DENND4B: variants seen among roughly 807,000 people sequenced by gnomAD.
DENND4B encodes DENN domain-containing protein 4B.
DENND4B carries 67 observed loss-of-function variants against 161.0 expected under a neutral mutation model. That is an observed-to-expected ratio of 0.42 (90% CI 0.34 to 0.51). The LOEUF is 0.51. Ranked by LOEUF, DENND4B falls within the 20% of genes least tolerant of loss-of-function variation. The pLI is 0.08. For synonymous variants in DENND4B, 753 were observed against 813.8 expected, an observed-to-expected ratio of 0.93 and a Z score of 1.27; for missense variants, 1,481 against 1,968.0, an observed-to-expected ratio of 0.75 and a Z score of 4.68.
At position 153,933,366 on chromosome 1, in the gene DENND4B, AC is replaced by A; in HGVS notation, c.3331-48del. 1 of 1,612,488 alleles carries A rather than the reference AC, an allele frequency of 6.2e-7. No homozygotes were observed. The highest frequency in any genetic ancestry group is 8.5e-7 in the Non-Finnish European group (1 of 1,179,416). On this transcript the variant is annotated intron_variant, in intron 20 of 27. Coordinates refer to ENST00000361217, the MANE Select transcript of DENND4B (RefSeq NM_014856.3). The surrounding 1 kb of genome is among the most constrained non-coding windows in gnomAD (Gnocchi z 5.7). The stretch of plus-strand genomic sequence containing the variant: ...TGGTCAGCCAACCCCATGCTCTTCC[AC>A]CCAGGATATGTGTTTCAAGCACCCC...
Position 153,946,007 on chromosome 1 carries a change from C to T in DENND4B, c.-24+294G>A, listed in dbSNP as rs1254968042. Among the ~76,000 whole-genome samples, 1 of 152,190 alleles carries T rather than the reference C, an allele frequency of 6.6e-6. No individual in the cohort carries two copies. The highest frequency in any genetic ancestry group is 1.5e-5 in the Non-Finnish European group (1 of 68,012). ...CAGGAGGGCAGAGAAGCAGGCGCGC[C>T]GGCGGCCGAGGACGTGACGGCAGCA... On this transcript the variant is annotated intron_variant, in intron 1 of 27. Transcript: ENST00000361217. The surrounding 1 kb of genome is among the most constrained non-coding windows in gnomAD (Gnocchi z 6.3).
In DENND4B at chr1:153,936,208, G is replaced by T; in HGVS notation, c.2440-20C>A. On this transcript the variant is annotated intron_variant, in intron 16 of 27. Coordinates refer to ENST00000361217, the MANE Select transcript of DENND4B (RefSeq NM_014856.3). This position sits in a 1 kb window ranked among gnomAD's most constrained non-coding sequence, Gnocchi z 4.1. ...ACACACCTGGGCCAGGAGAGGCACA[G>T]GACAATGGGAGACTCACTCTCAACC... is the stretch of plus-strand genomic sequence containing the variant. 1 of 1,593,774 alleles carries T rather than the reference G, an allele frequency of 6.3e-7. No individual in the cohort carries two copies. Among genetic ancestry groups the T allele is most frequent in the East Asian group, 2.3e-5 (1 of 43,816 alleles).
intron 17 of DENND4B, chr1:153,935,325 A>G (rs1380515624): frequency 3.8e-6 from 1 of 259,956 alleles, no homozygotes; most frequent in Non-Finnish European, 7.4e-6. Context: ...TTCGGGAGAT[A>G]TGGATATGCC....
chr1:153,936,688 G>A lies in DENND4B; in HGVS notation c.2293C>T (p.Arg765Trp), dbSNP rs755939763. ...KSAAVPELWA[R>W]CLLGHCYGLW... ...CCATAGCAGTGCCCCAGCAGGCACC[G>A]GGCCCACAGCTCAGGCACAGCTGCT... The change falls in exon 16 of 28, where the codon CGG becomes TGG. Residue 765 changes from arginine (R) to tryptophan (W), a missense_variant. Physicochemically the swap from Arg to Trp is moderately radical, Grantham distance 101. Transcript: ENST00000361217. The surrounding 1 kb of genome is among the most constrained non-coding windows in gnomAD (Gnocchi z 4.1). 9 of 1,612,198 alleles carry A rather than the reference G, an allele frequency of 5.6e-6. No individual in the cohort carries two copies. The highest frequency in any genetic ancestry group is 1.6e-4 in the Middle Eastern group (1 of 6,078).
Position 153,933,423 on chromosome 1 carries a change from T to C in DENND4B, c.3330+60A>G. The C allele has an allele frequency of 6.3e-7, 1 of 1,599,360 alleles. No individual in the cohort carries two copies. The highest frequency in any genetic ancestry group is 8.5e-7 in the Non-Finnish European group (1 of 1,172,970). Reference sequence around the variant, plus strand: ...GCCCCCTTTTTGAGCATTCTTCCAGTCGTAGCCCCTCCCCAAGCCCACTAA... The same window carrying C: ...GCCCCCTTTTTGAGCATTCTTCCAGCCGTAGCCCCTCCCCAAGCCCACTAA... On this transcript the variant is annotated intron_variant, in intron 20 of 27. Coordinates refer to ENST00000361217, the MANE Select transcript of DENND4B (RefSeq NM_014856.3). This position sits in a 1 kb window ranked among gnomAD's most constrained non-coding sequence, Gnocchi z 5.7.
chr1:153,937,869 G>A lies in DENND4B; in HGVS notation c.1966-6C>T. ...TTCTCCTGCTCTGGGTGGACCTGGA[G>A]AAGGATTTTAAGAGAGCAAGTGTTG... On this transcript the variant is annotated splice_region_variant and splice_polypyrimidine_tract_variant and intron_variant, in intron 13 of 27. Coordinates refer to ENST00000361217, the MANE Select transcript of DENND4B (RefSeq NM_014856.3). This position sits in a 1 kb window ranked among gnomAD's most constrained non-coding sequence, Gnocchi z 4.7. The A allele has an allele frequency of 6.2e-7, 1 of 1,614,046 alleles. No homozygotes were observed. Among genetic ancestry groups the A allele is most frequent in the Non-Finnish European group, 8.5e-7 (1 of 1,179,908 alleles).
intron 24 of DENND4B, among the ~76,000 whole-genome samples, chr1:153,931,662 A>C (rs780332264): frequency 7.0e-6 from 1 of 142,520 alleles, no homozygotes; most frequent in Non-Finnish European, 1.5e-5. Context: ...CATGCCCGGC[A>C]AATTTTTTGT....
At chr1:153,943,844 C>T (rs1679812163) in intron 2 of DENND4B, among the ~76,000 whole-genome samples, 1 of 152,146 alleles carries the variant, frequency 6.6e-6, no homozygotes, top group South Asian at 2.1e-4. Context: ...CAAAAACCTG[C>T]CTAAGCTCTC....
chr1:153,942,259 G>A lies in DENND4B; in HGVS notation c.738C>T (p.Cys246=). Residue 246 remains cysteine (C), a synonymous_variant, in exon 5 of 28, where the codon TGC becomes TGT. Transcript: ENST00000361217. This position sits in a 1 kb window ranked among gnomAD's most constrained non-coding sequence, Gnocchi z 6.9. ...FCLPMGATIE[C]WPAQTKYPVP... ...CGGGGTACTTGGTCTGGGCAGGCCA[G>A]CACTCGATAGTGGCCCCCATGGGCA... 1 of 1,613,934 alleles carries A rather than the reference G, an allele frequency of 6.2e-7. No homozygotes were observed.
Position 153,939,702 on chromosome 1 carries a change from G to C in DENND4B, c.1706C>G (p.Ala569Gly), listed in dbSNP as rs998006105. 2.5e-6 allele frequency: 4 copies of C among 1,613,972 alleles called. No homozygotes were observed. Among genetic ancestry groups the C allele is most frequent in the Non-Finnish European group, 2.5e-6 (3 of 1,179,892 alleles). ...RARLEREVQG[A>G]FLRFMACLLK... is the part of the protein sequence containing the mutation. ...CAGACAGGCCATGAAGCGGAGGAAG[G>C]CTCCTTGGACTTCGCGCTCCAGCCG... is the stretch of plus-strand genomic sequence containing the variant. The change falls in exon 12 of 28, where the codon GCC (alanine) becomes GGC (glycine). Residue 569 changes from alanine to glycine, a missense_variant. Coordinates refer to ENST00000361217, the MANE Select transcript of DENND4B (RefSeq NM_014856.3).
At position 153,942,849 on chromosome 1, in the gene DENND4B, A is replaced by C; in HGVS notation, c.570+29T>G. 1.3e-6 allele frequency: 2 copies of C among 1,573,796 alleles called. No individual in the cohort carries two copies. Among genetic ancestry groups the C allele is most frequent in the Non-Finnish European group, 8.7e-7 (1 of 1,155,714 alleles). On this transcript the variant is annotated intron_variant, in intron 3 of 27. Coordinates refer to ENST00000361217, the MANE Select transcript of DENND4B (RefSeq NM_014856.3). The surrounding 1 kb of genome is among the most constrained non-coding windows in gnomAD (Gnocchi z 6.9). ...CCACACCCACTCTTACACCAAGAGG[A>C]CCAGGTGTCAGCTCTTGGCCCCACT...
rs574910044 is a variant in DENND4B, at chr1:153,944,335, C to G, written c.40G>C (p.Val14Leu). 2.5e-6 allele frequency: 4 copies of G among 1,608,866 alleles called. No homozygotes were observed. Among genetic ancestry groups the G allele is most frequent in the Non-Finnish European group, 3.4e-6 (4 of 1,177,776 alleles). ...CCGTTCCCTGCAAGCCCAGCTACCA[C>G]GAAGTAATCCACCAGCCGGGGGGGC... is the stretch of plus-strand genomic sequence containing the variant. ...ERPPRLVDYF[V>L]VAGLAGNGAP... The change falls in exon 2 of 28, where the codon GTG becomes CTG. Residue 14 changes from valine to leucine, a missense_variant. By Grantham distance (32) the Val-to-Leu change is conservative. Coordinates refer to ENST00000361217, the MANE Select transcript of DENND4B (RefSeq NM_014856.3). This position sits in a 1 kb window ranked among gnomAD's most constrained non-coding sequence, Gnocchi z 4.8.
chr1:153,939,496 T>G, intron 12 of DENND4B, 93 bp downstream of exon 12: 1 of 1,348,702 alleles, frequency 7.4e-7, no homozygotes, highest in Non-Finnish European at 1.0e-6. Flanking sequence ...AACAATGGAG[T>G]GGCTCCCAGT....
At chr1:153,939,543 A>G (rs1421816543) in intron 12 of DENND4B, 46 bp downstream of exon 12, 1 of 1,551,502 alleles carries the variant, frequency 6.4e-7, no homozygotes, top group South Asian at 1.2e-5. Context: ...GCCCCTCGCC[A>G]CCTCCTCCCA....
chr1:153,945,566 ACACACACACGCACACACACACG>A (rs1679912793), intron 1 of DENND4B, among the ~76,000 whole-genome samples: 1 of 151,806 alleles, frequency 6.6e-6, no homozygotes, highest in Non-Finnish European at 1.5e-5. Context: ...ACACACACAC[ACACACACACGCACACACACACG>A]CACACACGTA....
intron 12 of DENND4B, 141 bp from the exon 13 acceptor site, chr1:153,939,186 C>T: frequency 9.5e-7 from 1 of 1,057,386 alleles, no homozygotes; most frequent in African/African-American, 1.6e-5. Context: ...CACAACTACC[C>T]TAATACCAGG....
chr1:153,945,338 G>T, intron 1 of DENND4B: 1 of 380,464 alleles, frequency 2.6e-6, no homozygotes, highest in Non-Finnish European at 5.0e-6. Flanking sequence ...ATGGGTGTGT[G>T]TGGTGGCGGT....
In DENND4B at chr1:153,933,381, T is replaced by C; in HGVS notation, c.3331-62A>G. The stretch of plus-strand genomic sequence containing the variant: ...ATGCTCTTCCACCCAGGATATGTGT[T>C]TCAAGCACCCCTCAGAGCCCCCTTT... On this transcript the variant is annotated intron_variant, in intron 20 of 27. Transcript: ENST00000361217. The surrounding 1 kb of genome is among the most constrained non-coding windows in gnomAD (Gnocchi z 5.7). 6.2e-7 allele frequency: 1 copy of C among 1,611,394 alleles called. No homozygotes were observed. Among genetic ancestry groups the C allele is most frequent in the Non-Finnish European group, 8.5e-7 (1 of 1,178,978 alleles).
intron 17 of DENND4B, 154 bp from the exon 18 acceptor site, chr1:153,935,118 C>G: frequency 1.4e-6 from 2 of 1,418,538 alleles, no homozygotes; most frequent in Non-Finnish European, 1.9e-6. Flanking sequence ...AACAAGAGCC[C>G]AGAAGAGACA....
Sources: allele counts gnomAD v4.1 joint callset (sites outside exome capture counted in the v4.1 genomes callset), GRCh38; gene constraint gnomAD v4.1.1; non-coding constraint Gnocchi (gnomAD v3.1); transcripts MANE v1.5; gene names NCBI Gene and HGNC (gene_info 2026-07-23, HGNC 2026-07-21).